The following CDH8 variants were observed in gnomAD, a reference collection of about 807,000 sequenced individuals.
The protein encoded by CDH8 is cadherin-8.
Under a neutral mutation model 68.1 loss-of-function variants are expected in CDH8, and 17 were observed. The ratio of observed to expected loss-of-function variants is 0.25; its 90% CI spans 0.17 to 0.37. CDH8 has a LOEUF of 0.37. Among genes scored for constraint, CDH8 ranks in the 10% least tolerant of loss-of-function variants. The pLI, the probability that CDH8 is intolerant of heterozygous loss-of-function variation, is 1.00. For missense variants in CDH8, 763 were observed against 999.3 expected (o/e 0.76, Z 3.19); for synonymous variants, 372 against 365.1 (o/e 1.02, Z -0.21).
chr16:61,886,934 T>C (rs1358153715), intron 3 of CDH8, among the ~76,000 whole-genome samples: 2 of 152,190 alleles, frequency 1.3e-5, no homozygotes, highest in African/African-American at 2.4e-5. Flanking sequence ...GAGTGATGCA[T>C]AGTAACTAGA....
At chr16:61,975,723 T>C (rs1965423182) in intron 2 of CDH8, among the ~76,000 whole-genome samples, 1 of 152,166 alleles carries the variant, frequency 6.6e-6, no homozygotes, top group Non-Finnish European at 1.5e-5. Context: ...GTAGAAAAGA[T>C]AGATCTGATC....
intron 10 of CDH8, among the ~76,000 whole-genome samples, chr16:61,699,539 G>A (rs1051490802): frequency 1.3e-5 from 2 of 151,998 alleles, no homozygotes; most frequent in African/African-American, 2.4e-5. Context: ...CCATAACATA[G>A]TCTTTTCACT....
At chr16:61,941,689 C>A (rs976161591) in intron 2 of CDH8, among the ~76,000 whole-genome samples, 4 of 152,162 alleles carry the variant, frequency 2.6e-5, no homozygotes, top group African/African-American at 7.2e-5. Context: ...TGATCCACCC[C>A]CCTTGCCCTC....
intron 2 of CDH8, among the ~76,000 whole-genome samples, chr16:61,984,391 T>A (rs1257936580): frequency 6.6e-6 from 1 of 152,062 alleles, no homozygotes; most frequent in Non-Finnish European, 1.5e-5. Context: ...GAGTTGAGTA[T>A]TTTTTTGTAT....
chr16:61,735,484 C>T (rs1175335218), intron 8 of CDH8, among the ~76,000 whole-genome samples: 1 of 152,004 alleles, frequency 6.6e-6, no homozygotes, highest in Non-Finnish European at 1.5e-5. Context: ...TCGATAAATG[C>T]CTTTTGTCAT....
At chr16:61,864,292 CGGTTGGTTGGTTGGTTGGTTGGTT>C (rs59862418) in intron 3 of CDH8, among the ~76,000 whole-genome samples, 2 of 145,980 alleles carry the variant, frequency 1.4e-5, no homozygotes, top group African/African-American at 5.1e-5. Context: ...GCTGGATGTC[CGGTTGGTTGGTTGGTTGGTTGGTT>C]GGTTGGTTGG....
chr16:61,925,162 C>T (rs1964436517), intron 2 of CDH8, among the ~76,000 whole-genome samples: 1 of 152,180 alleles, frequency 6.6e-6, no homozygotes, highest in African/African-American at 2.4e-5. Context: ...GCTGTGCTTA[C>T]ACTAATTGAA....
intron 2 of CDH8, among the ~76,000 whole-genome samples, chr16:61,985,055 A>G (rs1965602434): frequency 6.6e-6 from 1 of 151,692 alleles, no homozygotes; most frequent in Non-Finnish European, 1.5e-5. Context: ...TCCCTTTACA[A>G]TGACTCTTGA....
chr16:61,933,976 TATGTC>T (rs1388476331), intron 2 of CDH8: 1 of 152,202 alleles, frequency 6.6e-6, no homozygotes, highest in African/African-American at 2.4e-5. Flanking sequence ...TAATATTGGT[TATGTC>T]AGGTCAGAAA....
chr16:61,904,941 G>A (rs1193758138), intron 2 of CDH8, among the ~76,000 whole-genome samples: 1 of 152,206 alleles, frequency 6.6e-6, no homozygotes, highest in Non-Finnish European at 1.5e-5. Flanking sequence ...TCTCATAGGA[G>A]CAGGAACCCT....
At chr16:61,789,211 AG>A in intron 8 of CDH8, 134 bp downstream of exon 8, 1 of 692,438 alleles carries the variant, frequency 1.4e-6, no homozygotes, top group South Asian at 2.2e-5. Flanking sequence ...ATACATTCAA[AG>A]GCTCCTTGGG....
chr16:61,915,561 A>G (rs1398341838), intron 2 of CDH8, among the ~76,000 whole-genome samples: 1 of 152,208 alleles, frequency 6.6e-6, no homozygotes, highest in Non-Finnish European at 1.5e-5. Context: ...GAAAAAGATA[A>G]AAGTCAGCAC....
intron 2 of CDH8, among the ~76,000 whole-genome samples, chr16:62,013,943 A>G (rs1901878114): frequency 6.6e-6 from 1 of 152,246 alleles, no homozygotes; most frequent in African/African-American, 2.4e-5. Context: ...CAAATAGCTG[A>G]CAAAATATGC....
At chr16:61,875,988 T>C (rs1963451061) in intron 3 of CDH8, among the ~76,000 whole-genome samples, 1 of 152,166 alleles carries the variant, frequency 6.6e-6, no homozygotes, top group African/African-American at 2.4e-5. Context: ...GCAATTCTCC[T>C]GCCTCAGCCT....
At chr16:61,829,177 C>A (rs890447117) in intron 4 of CDH8, among the ~76,000 whole-genome samples, 7 of 151,766 alleles carry the variant, frequency 4.6e-5, no homozygotes, top group Admixed American at 4.6e-4. Flanking sequence ...AGACTTTATT[C>A]CTGTATTTGG....
intron 4 of CDH8, among the ~76,000 whole-genome samples, chr16:61,852,852 C>CCCTT (rs138549766): frequency 0.23 from 30,615 of 132,960 alleles, 3,703 homozygotes; most frequent in Admixed American, 0.26. Context: ...CCTGACTCTG[C>CCCTT]CCTTCCTTCC....
chr16:61,960,238 C>CAT (rs147323970), intron 2 of CDH8, among the ~76,000 whole-genome samples: 4 of 45,756 alleles, frequency 8.7e-5, no homozygotes, highest in Non-Finnish European at 1.1e-4. Context: ...CACATATATA[C>CAT]ATGTGTGTGT....
chr16:61,675,630 A>AAAAAAT (rs150583728), intron 10 of CDH8, among the ~76,000 whole-genome samples: 4,914 of 148,384 alleles, frequency 0.033, 287 homozygotes, highest in African/African-American at 0.11. Context: ...AAAAAAATAA[A>AAAAAAT]AAAAAATAAA....
At chr16:62,028,284 T>C (rs1467794388) in intron 1 of CDH8, among the ~76,000 whole-genome samples, 2 of 151,882 alleles carry the variant, frequency 1.3e-5, no homozygotes, top group Non-Finnish European at 2.9e-5. Flanking sequence ...GCCAGGCTGG[T>C]CTCAAACCCC....
Sources: allele counts gnomAD v4.1 joint callset (sites outside exome capture counted in the v4.1 genomes callset), GRCh38; gene constraint gnomAD v4.1.1; transcripts MANE v1.5; gene names NCBI Gene and HGNC (gene_info 2026-07-23, HGNC 2026-07-21).